GALNT13: variants seen among roughly 807,000 people sequenced by gnomAD.
GALNT13 encodes the protein polypeptide N-acetylgalactosaminyltransferase 13.
A neutral mutation model predicts 64.2 loss-of-function variants in GALNT13; 28 were observed. The ratio of observed to expected loss-of-function variants is 0.44; its 90% CI spans 0.32 to 0.60. GALNT13 has a LOEUF of 0.60. Ranked by LOEUF, GALNT13 falls within the 20% of genes least tolerant of loss-of-function variation. The pLI, the probability that GALNT13 is intolerant of heterozygous loss-of-function variation, is 0.05. For synonymous variants in GALNT13, 214 were observed against 224.6 expected (o/e 0.95, Z 0.42); for missense variants, 577 against 669.8 (o/e 0.86, Z 1.53).
chr2:154,318,555 A>T (rs1694447417), intron 9 of GALNT13, among the ~76,000 whole-genome samples: 1 of 151,914 alleles, frequency 6.6e-6, no homozygotes, highest in Non-Finnish European at 1.5e-5. Context: ...GTAAAACCCC[A>T]TCTCTACTAA....
chr2:153,815,684 C>T, the GALNT13 span, among the ~76,000 whole-genome samples: 1 of 152,026 alleles, frequency 6.6e-6, no homozygotes, highest in South Asian at 2.1e-4. Context: ...AAGAGTTTTT[C>T]CATTCTTAAT....
At chr2:153,101,347 C>A in the GALNT13 span, among the ~76,000 whole-genome samples, 2 of 149,426 alleles carry the variant, frequency 1.3e-5, no homozygotes, top group Non-Finnish European at 3.0e-5. Flanking sequence ...GTGTTTTGAA[C>A]CCATTGGGTC....
the GALNT13 span, among the ~76,000 whole-genome samples, chr2:153,252,970 T>C: frequency 6.6e-6 from 1 of 151,910 alleles, no homozygotes; most frequent in Non-Finnish European, 1.5e-5. Context: ...TTTGGTTCCA[T>C]ATGAACTTTA....
At chr2:153,633,897 T>C in the GALNT13 span, among the ~76,000 whole-genome samples, 1 of 152,248 alleles carries the variant, frequency 6.6e-6, no homozygotes, top group African/African-American at 2.4e-5. Context: ...ATAAAGTCTG[T>C]GGACAGAACT....
chr2:153,147,423 C>A, the GALNT13 span, among the ~76,000 whole-genome samples: 4 of 151,750 alleles, frequency 2.6e-5, no homozygotes, highest in African/African-American at 9.7e-5. Context: ...TTTCTCTCTT[C>A]TTGTTTGGAT....
the GALNT13 span, among the ~76,000 whole-genome samples, chr2:153,649,262 A>G: frequency 1.3e-5 from 2 of 152,120 alleles, no homozygotes; most frequent in Non-Finnish European, 2.9e-5. Context: ...AGAGGTGTTT[A>G]TAGTATTCTC....
chr2:153,174,879 A>G, the GALNT13 span, among the ~76,000 whole-genome samples: 1 of 151,566 alleles, frequency 6.6e-6, no homozygotes, highest in Non-Finnish European at 1.5e-5. Context: ...AAATTCTTCC[A>G]GCCTTCACCC....
chr2:153,124,562 G>C, the GALNT13 span, among the ~76,000 whole-genome samples: 2 of 152,176 alleles, frequency 1.3e-5, no homozygotes, highest in African/African-American at 4.8e-5. Flanking sequence ...CTGGAGTGCA[G>C]TGGCGCAATC....
chr2:154,101,252 A>T (rs1301499787), intron 3 of GALNT13, among the ~76,000 whole-genome samples: 2 of 151,794 alleles, frequency 1.3e-5, no homozygotes, highest in African/African-American at 4.8e-5. Flanking sequence ...TTCCTCCTCA[A>T]TTTTTTTGGA....
chr2:153,662,370 A>G, the GALNT13 span, among the ~76,000 whole-genome samples: 1 of 152,258 alleles, frequency 6.6e-6, no homozygotes, highest in East Asian at 1.9e-4. Flanking sequence ...AAACTTATAC[A>G]AAGCTTACTT....
rs545170729 is a variant in GALNT13, at chr2:153,936,433, A to G, written c.-104-7961A>G. 2.0e-4 allele frequency among the ~76,000 whole-genome samples: 30 copies of G among 152,246 alleles called. No homozygotes were observed. The South Asian group carries it at 5.6e-3, about 28-fold the overall frequency. On this transcript the variant is annotated intron_variant, in intron 2 of 12. Transcript: ENST00000392825. ...ATGGCACAACATTGCCAGACTGTAGATGGTCTGGAAACCAGCAAATATGAC... is the reference window on the plus strand; with the variant it reads ...ATGGCACAACATTGCCAGACTGTAGGTGGTCTGGAAACCAGCAAATATGAC...
the GALNT13 span, among the ~76,000 whole-genome samples, chr2:153,658,560 A>G: frequency 2.0e-5 from 3 of 152,146 alleles, no homozygotes; most frequent in African/African-American, 7.2e-5. Flanking sequence ...CTGCAAACAT[A>G]CAAGTACTTT....
intron 4 of GALNT13, among the ~76,000 whole-genome samples, chr2:154,195,256 C>A (rs1364170872): frequency 1.3e-5 from 2 of 152,152 alleles, no homozygotes. Context: ...CTTTTGTCTT[C>A]TGCTGCAGGT....
intron 2 of GALNT13, among the ~76,000 whole-genome samples, chr2:153,924,059 T>G (rs761644091): frequency 2.0e-5 from 3 of 152,158 alleles, no homozygotes; most frequent in Non-Finnish European, 4.4e-5. Context: ...ATTTCCAACT[T>G]TTATTTTTAA....
At chr2:153,575,753 G>A in the GALNT13 span, among the ~76,000 whole-genome samples, 1 of 150,414 alleles carries the variant, frequency 6.6e-6, no homozygotes, top group African/African-American at 2.5e-5. Context: ...GGGACAGTGG[G>A]CTCCCCTCTG....
chr2:153,297,915 A>G, the GALNT13 span, among the ~76,000 whole-genome samples: 4 of 152,162 alleles, frequency 2.6e-5, no homozygotes, highest in East Asian at 7.7e-4. Context: ...GATTCAACAA[A>G]TCCAATGGAG....
intron 3 of GALNT13, among the ~76,000 whole-genome samples, chr2:154,138,945 A>G (rs556486117): frequency 6.6e-6 from 1 of 152,230 alleles, no homozygotes; most frequent in Non-Finnish European, 1.5e-5. Flanking sequence ...AGTGAATGAT[A>G]ATCTTTGTAA....
chr2:153,548,212 T>A, the GALNT13 span, among the ~76,000 whole-genome samples: 1 of 152,064 alleles, frequency 6.6e-6, no homozygotes, highest in Non-Finnish European at 1.5e-5. Flanking sequence ...AGATCTGGAG[T>A]GGGGCCTGAC....
intron 3 of GALNT13, among the ~76,000 whole-genome samples, chr2:154,031,835 C>T (rs1698358848): frequency 6.6e-6 from 1 of 151,774 alleles, no homozygotes; most frequent in African/African-American, 2.4e-5. Context: ...ACAGTCCTTT[C>T]TCACTAATTA....
Sources: gnomAD v4.1 joint callset for allele counts (sites outside exome capture counted in the v4.1 genomes callset) on GRCh38, gnomAD v4.1.1 for gene constraint, MANE v1.5 for transcripts, NCBI Gene and HGNC (gene_info 2026-07-23, HGNC 2026-07-21) for gene names.